Variants in MRC2 observed in about 807,000 individuals in gnomAD.
The protein encoded by MRC2 is C-type mannose receptor 2.
Under a neutral mutation model 206.2 loss-of-function variants are expected in MRC2, and 84 were observed. The ratio of observed to expected loss-of-function variants is 0.41; its 90% CI spans 0.34 to 0.49. MRC2 has a LOEUF of 0.49. Ranked by LOEUF, MRC2 falls within the 20% of genes least tolerant of loss-of-function variation. MRC2 has a pLI of 0.31. For synonymous variants in MRC2, 798 were observed against 800.0 expected, an observed-to-expected ratio of 1.00 and a Z score of 0.04; for missense variants, 1,676 against 2,001.5, an observed-to-expected ratio of 0.84 and a Z score of 3.10.
rs780221773 is a variant in MRC2, at chr17:62,679,868, G to T, written c.2264G>T (p.Gly755Val). Residue 755 changes from glycine to valine, a missense_variant, in exon 14 of 30, where the codon GGG (glycine) becomes GTG (valine). Coordinates refer to ENST00000303375, the MANE Select transcript of MRC2 (RefSeq NM_006039.5). ...GGCCTGAACCGTCGGGATCCCAGAG[G>T]GGGTCAGAGTTGGCGCTGGAGCGAC... ...WIGLNRRDPR[G>V]GQSWRWSDGV... is the part of the protein sequence containing the mutation. 3 of 1,613,776 alleles carry T rather than the reference G, an allele frequency of 1.9e-6. No individual in the cohort carries two copies. Among genetic ancestry groups the T allele is most frequent in the Admixed American group, 1.7e-5 (1 of 60,000 alleles).
Position 62,667,233 on chromosome 17 carries a change from C to T in MRC2, c.974-157C>T, listed in dbSNP as rs1381476317. 1.3e-5 allele frequency among the ~76,000 whole-genome samples: 2 copies of T among 152,214 alleles called. No individual in the cohort carries two copies. The highest frequency in any genetic ancestry group is 6.5e-5 in the Admixed American group (1 of 15,284). ...CCAGGTTAGAAAGCGCGGAGGACCC[C>T]GTGGTCTGGGGCGGAGCTGGAGCTG... On this transcript the variant is annotated intron_variant, in intron 5 of 29. Coordinates refer to ENST00000303375, the MANE Select transcript of MRC2 (RefSeq NM_006039.5). This position sits in a 1 kb window ranked among gnomAD's most constrained non-coding sequence, Gnocchi z 4.1.
rs1344554328 is a variant in MRC2 at position 62,672,266 on chromosome 17, C to G, written c.1461+114C>G. On this transcript the variant is annotated intron_variant, in intron 8 of 29. Coordinates refer to ENST00000303375, the MANE Select transcript of MRC2 (RefSeq NM_006039.5). This position sits in a 1 kb window ranked among gnomAD's most constrained non-coding sequence, Gnocchi z 4.5. ...TCAGAACCTGCCTGGAACCTCTTAC[C>G]TCTCAGCAGTCCCCCTCCTCCCCAC... is the stretch of plus-strand genomic sequence containing the variant. 1.6e-6 allele frequency: 2 copies of G among 1,240,724 alleles called. No homozygotes were observed. Among genetic ancestry groups the G allele is most frequent in the East Asian group, 4.8e-5 (2 of 41,388 alleles). 76.9% of individuals were successfully genotyped at this position (1,240,724 alleles called of 1,614,324 possible).
rs539258608 is a variant in MRC2, at chr17:62,693,165, G to C, written c.*714G>C. 166 of 152,688 alleles carry C rather than the reference G, an allele frequency of 1.1e-3. No homozygotes were observed. The highest frequency in any genetic ancestry group is 1.5e-3 in the Non-Finnish European group (104 of 68,136). The allele number at this position is 152,688 out of a possible 1,614,324, so 9.5% of individuals were successfully genotyped here. On this transcript the variant is annotated 3_prime_UTR_variant, in exon 30 of 30. Transcript: ENST00000303375. ...CCTCCCAGGGTGGGAGCTGGGCCGG[G>C]CTGGGATGTCATCTCCTGCCGGGCG...
intron 1 of MRC2, among the ~76,000 whole-genome samples, chr17:62,653,597 G>T (rs1412497665): frequency 3.3e-5 from 5 of 152,202 alleles, no homozygotes; most frequent in African/African-American, 4.8e-5. Context: ...ATGACTGGTG[G>T]GGGAAGCCCG....
rs1285068705 is a variant in MRC2, at chr17:62,674,135, C to G, written c.1534C>G (p.Gln512Glu). 5 of 1,554,572 alleles carry G rather than the reference C, an allele frequency of 3.2e-6. No individual in the cohort carries two copies. The highest frequency in any genetic ancestry group is 3.5e-6 in the Non-Finnish European group (4 of 1,148,748). Residue 512 changes from glutamine (Q) to glutamate (E), a missense_variant, in exon 9 of 30, where the codon CAG becomes GAG. Around this residue, in one of 3 missense-constraint regions of MRC2, gnomAD observed 1,354 missense variants for 1,636.6 expected, o/e 0.83. Transcript: ENST00000303375. ...CTGCAAGAAGGCAGGCCAGCTGAGC[C>G]AGGGGGCCGCCGAGGAGGACCATGG... ...SICKKAGQLS[Q>E]GAAEEDHGCR...
rs889956187 is a variant in MRC2, at chr17:62,680,740, CG to C, written c.2474-56del. The C allele has an allele frequency of 5.7e-5, 82 of 1,434,558 alleles. No individual in the cohort carries two copies. The highest frequency in any genetic ancestry group is 7.3e-5 in the Non-Finnish European group (80 of 1,098,712). The allele number at this position is 1,434,558 out of a possible 1,614,324, so 88.9% of individuals were successfully genotyped here. A position where few individuals can be genotyped will look rare whatever the true frequency, so the allele number is the denominator to read the frequency against. ...GCCCCGGCCCTGCCGCGCCCGCCTC[CG>C]GGGCCTGGCGTGCAGCCTCTGCCTG... On this transcript the variant is annotated intron_variant, in intron 16 of 29. Transcript: ENST00000303375. This position sits in a 1 kb window ranked among gnomAD's most constrained non-coding sequence, Gnocchi z 4.8.
intron 1 of MRC2, among the ~76,000 whole-genome samples, chr17:62,632,100 C>G (rs889877679): frequency 4.6e-5 from 7 of 152,232 alleles, no homozygotes; most frequent in African/African-American, 1.7e-4. Context: ...TGACGCGCTC[C>G]TGGAGCTCAC....
chr17:62,677,404 C>T lies in MRC2; in HGVS notation c.1970C>T (p.Pro657Leu), dbSNP rs367780997. Residue 657 changes from proline to leucine, a missense_variant, in exon 12 of 30, where the codon CCG becomes CTG. Coordinates refer to ENST00000303375, the MANE Select transcript of MRC2 (RefSeq NM_006039.5). ...SLGTPVTPEL[P>L]GPDPTPSLTG... Reference sequence around the variant, plus strand: ...GGCACTCCAGTGACGCCGGAGCTGCCGGGGCCAGATCCCACGCCCAGCCTC... The same window carrying T: ...GGCACTCCAGTGACGCCGGAGCTGCTGGGGCCAGATCCCACGCCCAGCCTC... 1.2e-4 allele frequency: 190 copies of T among 1,611,422 alleles called. No individual in the cohort carries two copies. The highest frequency in any genetic ancestry group is 1.5e-4 in the Non-Finnish European group (176 of 1,179,500).
At chr17:62,658,355 T>C (rs762621489) in intron 1 of MRC2, among the ~76,000 whole-genome samples, 4 of 152,166 alleles carry the variant, frequency 2.6e-5, no homozygotes, top group Non-Finnish European at 4.4e-5. Context: ...TAGCAGAAAG[T>C]TGGGTGGATT....
intron 1 of MRC2, among the ~76,000 whole-genome samples, chr17:62,659,694 C>T (rs1156574018): frequency 6.6e-6 from 1 of 152,168 alleles, no homozygotes; most frequent in Non-Finnish European, 1.5e-5. Flanking sequence ...CTCACTTTGT[C>T]CTGCCCAGAG....
chr17:62,633,892 C>T (rs2088278715), intron 1 of MRC2, among the ~76,000 whole-genome samples: 1 of 122,242 alleles, frequency 8.2e-6, no homozygotes, highest in Non-Finnish European at 1.7e-5. Flanking sequence ...ATCCTAACTA[C>T]AGCTGTCACC....
chr17:62,665,003 G>C, intron 2 of MRC2, 54 bp downstream of exon 2: 2 of 1,529,336 alleles, frequency 1.3e-6, no homozygotes, highest in Middle Eastern at 2.0e-4. Context: ...CAGGGGACTG[G>C]AGCCATGAGG....
chr17:62,658,138 G>A (rs1420537783), intron 1 of MRC2, among the ~76,000 whole-genome samples: 2 of 152,222 alleles, frequency 1.3e-5, no homozygotes, highest in Admixed American at 6.5e-5. Flanking sequence ...CCACATTGCA[G>A]TCTTCAGATC....
rs889629141 is a variant in MRC2, at chr17:62,693,386, T to A, written c.*935T>A. On this transcript the variant is annotated 3_prime_UTR_variant, in exon 30 of 30. Coordinates refer to ENST00000303375, the MANE Select transcript of MRC2 (RefSeq NM_006039.5). ...GAGGAGCAGCACCCGAGCCCTGGAGTGGCCCAGTACCCTTCCAAGAGGCCA... is the reference window on the plus strand; with the variant it reads ...GAGGAGCAGCACCCGAGCCCTGGAGAGGCCCAGTACCCTTCCAAGAGGCCA... 1 of 152,340 alleles carries A rather than the reference T, an allele frequency of 6.6e-6. No homozygotes were observed. The highest frequency in any genetic ancestry group is 2.4e-5 in the African/African-American group (1 of 41,324). 9.4% of individuals were successfully genotyped at this position (152,340 alleles called of 1,614,324 possible).
intron 20 of MRC2, among the ~76,000 whole-genome samples, chr17:62,685,121 G>A (rs1159958441): frequency 1.3e-5 from 2 of 151,600 alleles, no homozygotes; most frequent in Admixed American, 6.6e-5. Context: ...CAGCCTGGGC[G>A]AGAGATTGAG....
Position 62,680,464 on chromosome 17 carries a change from C to T in MRC2, c.2473+11C>T. 6.2e-7 allele frequency: 1 copy of T among 1,613,940 alleles called. No individual in the cohort carries two copies. ...ACGACAGCCCTCAAGGTGAGCACCC[C>T]CCAGCCCATCCCGCTACCCATCGCG... On this transcript the variant is annotated intron_variant, in intron 16 of 29. Transcript: ENST00000303375. The surrounding 1 kb of genome is among the most constrained non-coding windows in gnomAD (Gnocchi z 4.8).
Position 62,680,884 on chromosome 17 carries a change from GCACGTGGTTCC to G in MRC2, c.2559_2569del (p.Cys853Ter). The G allele has an allele frequency of 1.2e-6, 2 of 1,613,154 alleles. No homozygotes were observed. The highest frequency in any genetic ancestry group is 1.7e-6 in the Non-Finnish European group (2 of 1,179,940). ...ACGTGGGCGCAGGCGCAGCGCATCTGCACGTGGTTCCAGGCCGAGCTGACCTCGGTGCACAG... is the reference window on the plus strand; with the variant it reads ...ACGTGGGCGCAGGCGCAGCGCATCTGAGGCCGAGCTGACCTCGGTGCACAG... On this transcript the variant is annotated stop_gained and frameshift_variant, in exon 17 of 30. Transcript: ENST00000303375. LOFTEE classifies it high-confidence loss of function. The surrounding 1 kb of genome is among the most constrained non-coding windows in gnomAD (Gnocchi z 4.8).
At chr17:62,639,197 G>A (rs563698519) in intron 1 of MRC2, among the ~76,000 whole-genome samples, 35 of 152,224 alleles carry the variant, frequency 2.3e-4, no homozygotes, top group Admixed American at 3.9e-4. Flanking sequence ...GTAGCTGGGC[G>A]TGGTGGCACA....
At chr17:62,670,806 C>G (rs956205087) in intron 6 of MRC2, among the ~76,000 whole-genome samples, 4 of 152,164 alleles carry the variant, frequency 2.6e-5, no homozygotes, top group Non-Finnish European at 5.9e-5. Flanking sequence ...GCCCGTCCAC[C>G]AAGACCTCAG....
Sources: allele counts gnomAD v4.1 joint callset (sites outside exome capture counted in the v4.1 genomes callset), GRCh38; gene constraint gnomAD v4.1.1; regional missense constraint gnomAD v4.1.1; non-coding constraint Gnocchi (gnomAD v3.1); transcripts MANE v1.5; gene names NCBI Gene and HGNC (gene_info 2026-07-23, HGNC 2026-07-21).